The following SAMMSON variants were observed in gnomAD, a reference collection of about 807,000 sequenced individuals.
SAMMSON encodes survival associated mitochondrial melanoma specific oncogenic non-coding RNA, also known as long intergenic non-protein coding RNA 1212.
At chr3:70,164,700 A>G (rs1301070605) in intron 4 of SAMMSON, among the ~76,000 whole-genome samples, 2 of 152,044 alleles carry the variant, frequency 1.3e-5, no homozygotes, top group African/African-American at 2.4e-5. Context: ...CTGTGGCTAT[A>G]CTTCCTCATC....
intron 1 of SAMMSON, among the ~76,000 whole-genome samples, chr3:70,010,750 C>G (rs1034258602): frequency 3.1e-4 from 47 of 152,114 alleles, no homozygotes; most frequent in African/African-American, 1.1e-3. Context: ...TTAATTGACT[C>G]ACAGTTCCGC....
intron 6 of SAMMSON, chr3:70,283,925 C>T (rs553415448): frequency 1.3e-5 from 2 of 152,068 alleles, no homozygotes; most frequent in South Asian, 4.1e-4. Context: ...TATTAATAAT[C>T]TTAAGATTAT....
intron 6 of SAMMSON, among the ~76,000 whole-genome samples, chr3:70,288,638 C>T (rs955749336): frequency 1.8e-4 from 28 of 151,670 alleles, no homozygotes; most frequent in East Asian, 1.2e-3. Context: ...CTCGTTGATC[C>T]GTCTAATGTT....
chr3:70,150,664 G>A (rs373733283), intron 4 of SAMMSON, among the ~76,000 whole-genome samples: 50 of 152,086 alleles, frequency 3.3e-4, no homozygotes, highest in African/African-American at 1.2e-3. Flanking sequence ...GGATGTAATC[G>A]CATGCAGAAT....
chr3:70,036,748 G>T (rs1286288982), intron 3 of SAMMSON, among the ~76,000 whole-genome samples: 1 of 151,932 alleles, frequency 6.6e-6, no homozygotes, highest in Non-Finnish European at 1.5e-5. Context: ...CATGTTTTCT[G>T]AGCACCAGGA....
At chr3:70,098,063 T>C (rs892390459) in intron 4 of SAMMSON, among the ~76,000 whole-genome samples, 1 of 152,208 alleles carries the variant, frequency 6.6e-6, no homozygotes, top group African/African-American at 2.4e-5. Flanking sequence ...AATTAAGTCA[T>C]TTGTGTTCTC....
intron 4 of SAMMSON, among the ~76,000 whole-genome samples, chr3:70,219,183 G>A (rs1452929575): frequency 1.3e-5 from 2 of 152,106 alleles, no homozygotes; most frequent in Admixed American, 6.6e-5. Flanking sequence ...TAAAAATATG[G>A]AAAAACAAGA....
intron 9 of SAMMSON, among the ~76,000 whole-genome samples, chr3:70,367,572 C>A (rs1030287761): frequency 2.0e-5 from 3 of 151,506 alleles, no homozygotes; most frequent in Admixed American, 2.0e-4. Context: ...TTTTTTATGG[C>A]TGAATTATAT....
intron 6 of SAMMSON, among the ~76,000 whole-genome samples, chr3:70,270,222 A>C (rs533228961): frequency 6.6e-6 from 1 of 152,352 alleles, no homozygotes; most frequent in African/African-American, 2.4e-5. Context: ...CTCAATGACC[A>C]GTTGGTTTTA....
intron 3 of SAMMSON, among the ~76,000 whole-genome samples, chr3:70,061,259 C>T (rs2067189467): frequency 6.6e-6 from 1 of 152,032 alleles, no homozygotes; most frequent in South Asian, 2.1e-4. Context: ...GACTGCCTAG[C>T]AGGCGAATGC....
chr3:70,015,257 G>A (rs1276448328), intron 3 of SAMMSON: 1 of 152,016 alleles, frequency 6.6e-6, no homozygotes, highest in Non-Finnish European at 1.5e-5. Flanking sequence ...CTGCAGCTTG[G>A]GCGACAGAGC....
intron 4 of SAMMSON, among the ~76,000 whole-genome samples, chr3:70,103,119 C>T (rs2067352429): frequency 6.6e-6 from 1 of 152,140 alleles, no homozygotes; most frequent in Non-Finnish European, 1.5e-5. Flanking sequence ...GGAGTGGCTT[C>T]CACTAAGCTT....
At chr3:70,135,508 C>A (rs572854746) in intron 4 of SAMMSON, among the ~76,000 whole-genome samples, 8 of 152,156 alleles carry the variant, frequency 5.3e-5, no homozygotes, top group African/African-American at 1.7e-4. Context: ...TACCTTAATG[C>A]AAGCCGGAAA....
chr3:70,042,364 G>T (rs1442686676), intron 3 of SAMMSON, among the ~76,000 whole-genome samples: 1 of 151,992 alleles, frequency 6.6e-6, no homozygotes. Flanking sequence ...AGCAATCCAG[G>T]ATAAAAGTAT....
chr3:70,186,205 C>A (rs929819282), intron 4 of SAMMSON, among the ~76,000 whole-genome samples: 10 of 151,876 alleles, frequency 6.6e-5, no homozygotes, highest in Non-Finnish European at 1.5e-4. Context: ...ACCATATAGT[C>A]ATTCATTGTA....
intron 4 of SAMMSON, among the ~76,000 whole-genome samples, chr3:70,137,437 A>G (rs1368725034): frequency 6.6e-6 from 1 of 152,188 alleles, no homozygotes; most frequent in African/African-American, 2.4e-5. Flanking sequence ...GTATTTCTTG[A>G]TGTGAAAATT....
At chr3:70,121,527 A>G (rs936086225) in intron 4 of SAMMSON, among the ~76,000 whole-genome samples, 13 of 152,244 alleles carry the variant, frequency 8.5e-5, no homozygotes, top group Non-Finnish European at 2.9e-5. Context: ...ACAAAGCATC[A>G]GAAGAGTCAT....
intron 4 of SAMMSON, among the ~76,000 whole-genome samples, chr3:70,228,615 C>T (rs530845770): frequency 2.4e-4 from 35 of 148,004 alleles, no homozygotes; most frequent in Middle Eastern, 3.6e-3. Flanking sequence ...CCTGATGAAA[C>T]ATTTAAGTTT....
At chr3:70,008,161 A>G (rs184647229) in intron 1 of SAMMSON, among the ~76,000 whole-genome samples, 1,710 of 152,170 alleles carry the variant, frequency 0.011, 17 homozygotes, top group Non-Finnish European at 0.017. Flanking sequence ...ACTTTAAAGT[A>G]GTTTTTTCCA....
Sources: allele counts gnomAD v4.1 joint callset (sites outside exome capture counted in the v4.1 genomes callset), GRCh38; gene constraint gnomAD v4.1.1; transcripts MANE v1.5; gene names NCBI Gene and HGNC (gene_info 2026-07-23, HGNC 2026-07-21).